Variants in WDR62 observed in about 807,000 individuals in gnomAD.
WDR62 encodes WD repeat domain 62, also known as WD repeat-containing protein 62.
Under a neutral mutation model 160.6 loss-of-function variants are expected in WDR62, and 112 were observed. That is an observed-to-expected ratio of 0.70 (90% CI 0.60 to 0.82). The LOEUF is 0.82. WDR62 is among the 40% of genes least tolerant of loss of function. The pLI is 0.00. For synonymous variants in WDR62, 792 were observed against 815.1 expected, an observed-to-expected ratio of 0.97 and a Z score of 0.48; for missense variants, 1,819 against 1,983.8, an observed-to-expected ratio of 0.92 and a Z score of 1.58.
In WDR62 at chr19:36,056,304, C is replaced by G. The variant is rs1297618163; in HGVS notation, c.177+1156C>G. On this transcript the variant is annotated intron_variant, in intron 1 of 31. Coordinates refer to ENST00000401500, the MANE Select transcript of WDR62 (RefSeq NM_001083961.2). ...GAGCTTGTTCCTGCCCCATGACTTT[C>G]TCCTGCACTGTGATTATACCGCCCA... Among the ~76,000 whole-genome samples, 9 of 152,218 alleles carry G rather than the reference C, an allele frequency of 5.9e-5. No homozygotes were observed. In the South Asian group the frequency reaches 1.7e-3, roughly 28 times the overall value.
At chr19:36,083,356 G>A in intron 11 of WDR62, 115 bp downstream of exon 11, 2 of 1,055,764 alleles carry the variant, frequency 1.9e-6, no homozygotes, top group South Asian at 1.4e-5. Context: ...GGAATGAGGG[G>A]CTGTGAATAG....
chr19:36,066,601 TC>T (rs751287361), intron 5 of WDR62, among the ~76,000 whole-genome samples, 174 bp downstream of exon 5: 12 of 152,340 alleles, frequency 7.9e-5, no homozygotes, highest in Admixed American at 2.0e-4. Context: ...CAAGGCAGGC[TC>T]CCAGCTAGAA....
rs761462394 is a variant in WDR62 at position 36,089,307 on chromosome 19, G to A, written c.1958+1G>A. 2.5e-6 allele frequency: 4 copies of A among 1,614,120 alleles called. No homozygotes were observed. The highest frequency in any genetic ancestry group is 3.4e-6 in the Non-Finnish European group (4 of 1,180,052). On this transcript the variant is annotated splice_donor_variant, in intron 15 of 31. Coordinates refer to ENST00000401500, the MANE Select transcript of WDR62 (RefSeq NM_001083961.2). LOFTEE classifies it high-confidence loss of function. Reference sequence around the variant, plus strand: ...TGGCCTGCCAGGACCGCAATGTGAGGTAAGGGGTGGCCCTGGACCCTTAGC... The same window carrying A: ...TGGCCTGCCAGGACCGCAATGTGAGATAAGGGGTGGCCCTGGACCCTTAGC...
At chr19:36,097,462 C>T (rs1192200409) in intron 21 of WDR62, among the ~76,000 whole-genome samples, 9 of 152,188 alleles carry the variant, frequency 5.9e-5, no homozygotes, top group Non-Finnish European at 1.3e-4. Context: ...TCTGTGGTCC[C>T]AGCTACTCAG....
At chr19:36,072,292 G>A (rs980540365) in intron 8 of WDR62, among the ~76,000 whole-genome samples, 6 of 152,204 alleles carry the variant, frequency 3.9e-5, no homozygotes, top group Non-Finnish European at 8.8e-5. Flanking sequence ...GGTCCCAGCA[G>A]TTGAGGTGAC....
At chr19:36,076,315 T>C (rs961490404) in intron 9 of WDR62, among the ~76,000 whole-genome samples, 1 of 152,122 alleles carries the variant, frequency 6.6e-6, no homozygotes, top group Non-Finnish European at 1.5e-5. Flanking sequence ...CCCAGCACTT[T>C]GGAAGGCTGG....
rs775013414 is a variant in WDR62, at chr19:36,066,363, A to G, written c.497A>G (p.Asn166Ser). ...GTGGCGTGTGTGGCCTTCTCACCCA[A>G]TATGAAGCACATCGTGTCCATGGGC... ...YGVACVAFSP[N>S]MKHIVSMGYQ... is the part of the protein sequence containing the mutation. Residue 166 changes from asparagine to serine, a missense_variant, in exon 5 of 32, where the codon AAT becomes AGT. Asn to Ser is a conservative substitution (Grantham distance 46). Coordinates refer to ENST00000401500, the MANE Select transcript of WDR62 (RefSeq NM_001083961.2). 4.2e-5 allele frequency: 67 copies of G among 1,613,748 alleles called. No individual in the cohort carries two copies. The highest frequency in any genetic ancestry group is 5.3e-5 in the Non-Finnish European group (63 of 1,179,886).
Position 36,103,944 on chromosome 19 carries a change from C to G in WDR62, c.4116C>G (p.Ile1372Met). 6.3e-7 allele frequency: 1 copy of G among 1,598,798 alleles called. No homozygotes were observed. The highest frequency in any genetic ancestry group is 8.5e-7 in the Non-Finnish European group (1 of 1,179,936). Residue 1372 changes from isoleucine (I) to methionine (M), a missense_variant, in exon 30 of 32, where the codon ATC becomes ATG. By Grantham distance (10) the Ile-to-Met change is conservative. Transcript: ENST00000401500. ...AGCTTCCAGAGGCCCGGCCTGGCAT[C>G]CCTGGCGGCACTGCCTCCCTCCTGG... ...NPQLPEARPG[I>M]PGGTASLLEP...
At chr19:36,080,358 C>G (rs894144034) in intron 9 of WDR62, among the ~76,000 whole-genome samples, 2 of 152,098 alleles carry the variant, frequency 1.3e-5, no homozygotes, top group Non-Finnish European at 2.9e-5. Flanking sequence ...TCGTGATCCT[C>G]CCGCCTCGGC....
At position 36,099,446 on chromosome 19, in the gene WDR62, C is replaced by T; in HGVS notation, c.2568C>T (p.Arg856=). Residue 856 remains arginine (R), a synonymous_variant, in exon 22 of 32, where the codon CGC becomes CGT. Coordinates refer to ENST00000401500, the MANE Select transcript of WDR62 (RefSeq NM_001083961.2). ...VADGLAFHAK[R]SYQPHGRWAE... is the part of the protein sequence containing the mutation. The stretch of plus-strand genomic sequence containing the variant: ...ATGGCTTGGCCTTCCACGCCAAGCG[C>T]AGCTACCAGCCCCACGGCCGCTGGG... 6.2e-7 allele frequency: 1 copy of T among 1,613,800 alleles called. No individual in the cohort carries two copies. Among genetic ancestry groups the T allele is most frequent in the Non-Finnish European group, 8.5e-7 (1 of 1,180,028 alleles).
At chr19:36,068,333 G>T (rs1227011072) in intron 7 of WDR62, among the ~76,000 whole-genome samples, 1 of 152,068 alleles carries the variant, frequency 6.6e-6, no homozygotes, top group Non-Finnish European at 1.5e-5. Flanking sequence ...GAGCACTCTG[G>T]CTGGTAGAGG....
rs200217457 is a variant in WDR62, at chr19:36,101,325, C to T, written c.2971+8C>T. The T allele has an allele frequency of 2.1e-5, 34 of 1,602,296 alleles. No homozygotes were observed. The African/African-American group carries it at 3.9e-4, about 18-fold the overall frequency. On this transcript the variant is annotated splice_region_variant and intron_variant, in intron 24 of 31. Transcript: ENST00000401500. ...ACCAGAGCCCGCCTGAGGGTGAGTGCAGGGCAGGCAGGGACCCTGTGACAG... is the reference window on the plus strand; with the variant it reads ...ACCAGAGCCCGCCTGAGGGTGAGTGTAGGGCAGGCAGGGACCCTGTGACAG...
intron 18 of WDR62, 40 bp from the exon 19 acceptor site, chr19:36,092,649 C>G: frequency 6.2e-7 from 1 of 1,613,346 alleles, no homozygotes; most frequent in Non-Finnish European, 8.5e-7. Flanking sequence ...CCCATGCTTA[C>G]TCTTCCTCTG....
In WDR62 at chr19:36,062,649, C is replaced by CAAAAAAAAAAAAAA. The variant is rs1167386837; in HGVS notation, c.332+2632_332+2645dup. On this transcript the variant is annotated intron_variant, in intron 3 of 31. Coordinates refer to ENST00000401500, the MANE Select transcript of WDR62 (RefSeq NM_001083961.2). The stretch of plus-strand genomic sequence containing the variant: ...TGGGTGACAGAGCAAGAGTCCGTCT[C>CAAAAAAAAAAAAAA]AAAAAAAAAAAAAAAAAAAAAAAAA... 1.3e-3 allele frequency: 53 copies of CAAAAAAAAAAAAAA among 39,450 alleles called. 1 individual carries two copies. Among genetic ancestry groups the CAAAAAAAAAAAAAA allele is most frequent in the African/African-American group, 5.9e-3 (50 of 8,492 alleles). 2.4% of individuals were successfully genotyped at this position (39,450 alleles called of 1,614,324 possible).
downstream of WDR62, among the ~76,000 whole-genome samples, chr19:36,109,472 G>T (rs186500817): frequency 2.2e-3 from 332 of 152,312 alleles, no homozygotes; most frequent in Non-Finnish European, 3.6e-3. Context: ...AATGGCTCAC[G>T]CCTGTAATCC....
At position 36,073,404 on chromosome 19, in the gene WDR62, C is replaced by G. The variant is rs770870866; in HGVS notation, c.1106C>G (p.Pro369Arg). 1 of 1,614,034 alleles carries G rather than the reference C, an allele frequency of 6.2e-7. No individual in the cohort carries two copies. The highest frequency in any genetic ancestry group is 8.5e-7 in the Non-Finnish European group (1 of 1,180,020). Residue 369 changes from proline (P) to arginine (R), a missense_variant, in exon 9 of 32, where the codon CCC becomes CGC. Pro to Arg is a moderately radical substitution (Grantham distance 103). This residue lies in a region of WDR62 where 934 missense variants were observed against 1,157.2 expected (regional missense o/e 0.81). Coordinates refer to ENST00000401500, the MANE Select transcript of WDR62 (RefSeq NM_001083961.2). The part of the protein sequence containing the change: ...YPDTVALTFD[P>R]IHQWLSCVYK... ...GATACAGTGGCACTGACCTTCGACC[C>G]CATCCACCAGTGGCTGTCCTGCGTG...
In WDR62 at chr19:36,099,595, G is replaced by T; in HGVS notation, c.2717G>T (p.Ser906Ile). 2.5e-6 allele frequency: 4 copies of T among 1,614,192 alleles called. No individual in the cohort carries two copies. The highest frequency in any genetic ancestry group is 2.2e-5 in the East Asian group (1 of 44,884). ...NSILDSLEPQSLASLLSESES... is the reference protein window; with the variant it reads ...NSILDSLEPQILASLLSESES... ...ATTCTGGATTCACTGGAGCCACAGA[G>T]CCTGGCCAGCCTGCTGAGTGAGGTA... Residue 906 changes from serine to isoleucine, a missense_variant, in exon 22 of 32, where the codon AGC becomes ATC. Coordinates refer to ENST00000401500, the MANE Select transcript of WDR62 (RefSeq NM_001083961.2).
chr19:36,058,905 G>T, intron 2 of WDR62, 34 bp downstream of exon 2: 1 of 1,570,354 alleles, frequency 6.4e-7, no homozygotes, highest in Non-Finnish European at 8.8e-7. Flanking sequence ...TCTAATCATT[G>T]CTAGGGAATT....
At chr19:36,072,536 TCTC>T (rs139635519) in intron 8 of WDR62, among the ~76,000 whole-genome samples, 1,818 of 152,232 alleles carry the variant, frequency 0.012, 23 homozygotes, top group South Asian at 0.037. Flanking sequence ...GTGGCTTTCT[TCTC>T]CTTTGTTGCA....
Sources: allele counts gnomAD v4.1 joint callset (sites outside exome capture counted in the v4.1 genomes callset), GRCh38; gene constraint gnomAD v4.1.1; regional missense constraint gnomAD v4.1.1; transcripts MANE v1.5; gene names NCBI Gene and HGNC (gene_info 2026-07-23, HGNC 2026-07-21).